CEP55: variants seen among roughly 807,000 people sequenced by gnomAD.
The protein encoded by CEP55 is centrosomal protein of 55 kDa.
Under a neutral mutation model 63.2 loss-of-function variants are expected in CEP55, and 57 were observed. The ratio of observed to expected loss-of-function variants is 0.90; its 90% CI spans 0.73 to 1.13. The LOEUF (loss-of-function observed/expected upper bound fraction) is 1.13. CEP55 is among the 50% of genes most tolerant of loss of function. The pLI, the probability that CEP55 is intolerant of heterozygous loss-of-function variation, is 0.00. For synonymous variants in CEP55, 178 were observed against 191.6 expected (o/e 0.93, Z 0.59); for missense variants, 456 against 518.9 (o/e 0.88, Z 1.18).
chr10:93,518,770 T>G, intron 6 of CEP55, 107 bp from the exon 7 acceptor site: 1 of 692,470 alleles, frequency 1.4e-6, no homozygotes, highest in South Asian at 1.9e-5. Flanking sequence ...CTAGCAGGTG[T>G]TGTCCTGGTT....
intron 4 of CEP55, among the ~76,000 whole-genome samples, chr10:93,514,320 A>C (rs555539616): frequency 1.8e-3 from 270 of 152,362 alleles, no homozygotes; most frequent in Non-Finnish European, 3.1e-3. Context: ...TGTAAGTATG[A>C]AACCCCTATA....
At chr10:93,518,740 C>A (rs956440277) in intron 6 of CEP55, 137 bp from the exon 7 acceptor site, 34 of 575,444 alleles carry the variant, frequency 5.9e-5, no homozygotes, top group Non-Finnish European at 9.4e-5. Flanking sequence ...AGATGGCCAG[C>A]TGGAATGATT....
rs2134491715 is a variant in CEP55, at chr10:93,520,003, C to G, written c.1191+196C>G. ...ACATGAAAGAGGGACATGATCACAT[C>G]TGGAAACATTCCCCCAACTACCCCA... On this transcript the variant is annotated intron_variant, in intron 8 of 8. Transcript: ENST00000371485. The G allele has an allele frequency of 4.8e-6, 3 of 622,908 alleles. 1 individual carries two copies. In the Middle Eastern group the frequency reaches 1.3e-3, roughly 272 times the overall value. The allele number at this position is 622,908 out of a possible 1,614,324, so 38.6% of individuals were successfully genotyped here.
chr10:93,497,635 A>G (rs989390126), intron 1 of CEP55, among the ~76,000 whole-genome samples: 2 of 152,060 alleles, frequency 1.3e-5, no homozygotes, highest in African/African-American at 4.8e-5. Context: ...AACAAAAATC[A>G]AAGTGCAGTC....
intron 8 of CEP55, among the ~76,000 whole-genome samples, chr10:93,523,518 G>T (rs2057886260): frequency 2.0e-5 from 3 of 152,020 alleles, no homozygotes. Context: ...CTGTCAACAT[G>T]AGACAGATCC....
At chr10:93,511,244 A>G (rs543858008) in intron 4 of CEP55, among the ~76,000 whole-genome samples, 1 of 152,138 alleles carries the variant, frequency 6.6e-6, no homozygotes, top group Non-Finnish European at 1.5e-5. Flanking sequence ...CGGACTCCAC[A>G]GGACATGTTA....
At chr10:93,514,627 G>A (rs2134479337) in intron 4 of CEP55, among the ~76,000 whole-genome samples, 1 of 152,368 alleles carries the variant, frequency 6.6e-6, no homozygotes, top group East Asian at 1.9e-4. Flanking sequence ...TCGTTGGGCA[G>A]CAATAGTTAG....
intron 6 of CEP55, 74 bp from the exon 7 acceptor site, chr10:93,518,803 G>A (rs557752713): frequency 2.0e-6 from 2 of 991,174 alleles, no homozygotes; most frequent in South Asian, 1.5e-5. Flanking sequence ...CTTGTGATGT[G>A]AGCTTTCCGT....
Position 93,516,932 on chromosome 10 carries a change from T to C in CEP55, c.680-3T>C, listed in dbSNP as rs1443840806. ...AGTTGTGCCGTAATGTTGTTTGTCA[T>C]AGGTTATCTTCAAGAAGAGAAGCAG... On this transcript the variant is annotated splice_polypyrimidine_tract_variant and splice_region_variant and intron_variant, in intron 5 of 8. Coordinates refer to ENST00000371485, the MANE Select transcript of CEP55 (RefSeq NM_018131.5). 6.4e-7 allele frequency: 1 copy of C among 1,565,408 alleles called. No individual in the cohort carries two copies. Among genetic ancestry groups the C allele is most frequent in the South Asian group, 1.2e-5 (1 of 84,224 alleles).
rs1329652368 is a variant in CEP55, at chr10:93,520,006, G to A, written c.1191+199G>A. 5 of 619,660 alleles carry A rather than the reference G, an allele frequency of 8.1e-6. No homozygotes were observed. In the African/African-American group the frequency reaches 9.2e-5, roughly 11 times the overall value. 38.4% of individuals were successfully genotyped at this position (619,660 alleles called of 1,614,324 possible). On this transcript the variant is annotated intron_variant, in intron 8 of 8. Coordinates refer to ENST00000371485, the MANE Select transcript of CEP55 (RefSeq NM_018131.5). Reference sequence around the variant, plus strand: ...TGAAAGAGGGACATGATCACATCTGGAAACATTCCCCCAACTACCCCAGCT... The same window carrying A: ...TGAAAGAGGGACATGATCACATCTGAAAACATTCCCCCAACTACCCCAGCT...
intron 2 of CEP55, among the ~76,000 whole-genome samples, chr10:93,502,837 A>T (rs1589646491): frequency 6.6e-6 from 1 of 152,058 alleles, no homozygotes; most frequent in East Asian, 1.9e-4. Context: ...TTTTCTCACC[A>T]CCCTTGATAG....
chr10:93,519,008 C>T (rs760210933), intron 7 of CEP55, 60 bp downstream of exon 7: 2 of 1,256,272 alleles, frequency 1.6e-6, no homozygotes, highest in Admixed American at 1.7e-5. Flanking sequence ...AGTTTTTCCT[C>T]ATGTTTATGC....
At chr10:93,522,812 C>A (rs1402473962) in intron 8 of CEP55, among the ~76,000 whole-genome samples, 1 of 152,162 alleles carries the variant, frequency 6.6e-6, no homozygotes, top group Non-Finnish European at 1.5e-5. Context: ...GAATTTTCAA[C>A]CCAGAATTTC....
chr10:93,517,607 AAAG>A (rs773599512), intron 6 of CEP55, among the ~76,000 whole-genome samples: 24 of 152,324 alleles, frequency 1.6e-4, no homozygotes, highest in Non-Finnish European at 2.4e-4. Context: ...TGAGAAGCCA[AAAG>A]AAGAAGTGAA....
chr10:93,497,502 A>G (rs2057584397), intron 1 of CEP55, among the ~76,000 whole-genome samples: 1 of 151,778 alleles, frequency 6.6e-6, no homozygotes, highest in Non-Finnish European at 1.5e-5. Flanking sequence ...CTGACCTCAG[A>G]TGATCCACCT....
At chr10:93,512,221 C>T (rs1281047490) in intron 4 of CEP55, among the ~76,000 whole-genome samples, 17 of 2,990 alleles carry the variant, frequency 5.7e-3, no homozygotes, top group Admixed American at 0.019. Context: ...AGCGAGACTC[C>T]GTTTCAAAAA....
At chr10:93,498,962 G>A (rs1283089884) in intron 1 of CEP55, among the ~76,000 whole-genome samples, 1 of 151,918 alleles carries the variant, frequency 6.6e-6, no homozygotes, top group African/African-American at 2.4e-5. Context: ...GATACATGAA[G>A]TAGAAAAATG....
intron 8 of CEP55, among the ~76,000 whole-genome samples, chr10:93,522,659 A>G (rs1047880184): frequency 2.0e-5 from 3 of 152,188 alleles, no homozygotes; most frequent in Non-Finnish European, 4.4e-5. Flanking sequence ...GTTGAAATGA[A>G]GGAAAAAATG....
At position 93,503,268 on chromosome 10, in the gene CEP55, G is replaced by C; in HGVS notation, c.339G>C (p.Arg113Ser). 6.2e-7 allele frequency: 1 copy of C among 1,614,076 alleles called. No homozygotes were observed. The highest frequency in any genetic ancestry group is 8.5e-7 in the Non-Finnish European group (1 of 1,179,940). The part of the protein sequence containing the change: ...QLEETTREGE[R>S]REQVLKALSE... Reference sequence around the variant, plus strand: ...AAGAGACAACGAGAGAAGGAGAAAGGAGGGAGCAGGTGTTGAAAGCCTTAT... The same window carrying C: ...AAGAGACAACGAGAGAAGGAGAAAGCAGGGAGCAGGTGTTGAAAGCCTTAT... The change falls in exon 3 of 9, where the codon AGG becomes AGC. Residue 113 changes from arginine (R) to serine (S), a missense_variant. Coordinates refer to ENST00000371485, the MANE Select transcript of CEP55 (RefSeq NM_018131.5).
Sources: allele counts gnomAD v4.1 joint callset (sites outside exome capture counted in the v4.1 genomes callset), GRCh38; gene constraint gnomAD v4.1.1; transcripts MANE v1.5; gene names NCBI Gene and HGNC (gene_info 2026-07-23, HGNC 2026-07-21).